The following PDE1C variants were observed in gnomAD, a reference collection of about 807,000 sequenced individuals.
The protein encoded by PDE1C is dual specificity calcium/calmodulin-dependent 3',5'-cyclic nucleotide phosphodiesterase 1C.
Under a neutral mutation model 93.1 loss-of-function variants are expected in PDE1C, and 62 were observed. The observed-to-expected ratio is 0.67, with a 90% CI of 0.54 to 0.82. The LOEUF is 0.82. Among genes scored for constraint, PDE1C ranks in the 40% least tolerant of loss-of-function variants. PDE1C has a pLI of 0.00. For synonymous variants in PDE1C, 325 were observed against 310.1 expected (o/e 1.05, Z -0.50); for missense variants, 742 against 884.6 (o/e 0.84, Z 2.04).
chr7:31,644,072 A>G, the PDE1C span: 2 of 862,588 alleles, frequency 2.3e-6, no homozygotes, highest in Non-Finnish European at 3.5e-6. Context: ...TCTATTTTAA[A>G]TCATGAATAA....
rs536652622 is a variant in PDE1C, at chr7:31,893,207, T to C, written c.129-12347A>G. On this transcript the variant is annotated intron_variant, in intron 2 of 17. Coordinates refer to ENST00000396191, the MANE Select transcript of PDE1C (RefSeq NM_001191057.4). Reference sequence around the variant, plus strand: ...GTCACGGAGACGGTGTTTTGTTGTATAGTCATTTCCAATAAGTAGGAAAAC... The same window carrying C: ...GTCACGGAGACGGTGTTTTGTTGTACAGTCATTTCCAATAAGTAGGAAAAC... Among the ~76,000 whole-genome samples, 110 of 152,330 alleles carry C rather than the reference T, an allele frequency of 7.2e-4. 2 individuals carry two copies. The highest frequency in any genetic ancestry group is 2.5e-3 in the African/African-American group (105 of 41,570).
chr7:31,830,895 A>G (rs1790299286), intron 11 of PDE1C, among the ~76,000 whole-genome samples: 1 of 152,198 alleles, frequency 6.6e-6, no homozygotes, highest in Non-Finnish European at 1.5e-5. Flanking sequence ...ATCAAGAAAC[A>G]TGAGTCCTAT....
intron 16 of PDE1C, chr7:31,787,575 G>C (rs767210649): frequency 6.6e-6 from 1 of 152,176 alleles, no homozygotes; most frequent in Non-Finnish European, 1.5e-5. Flanking sequence ...ATCCAGGGAC[G>C]TGTAGAGCGC....
intron 1 of PDE1C, among the ~76,000 whole-genome samples, chr7:32,267,247 G>A (rs1810646367): frequency 6.6e-6 from 1 of 152,232 alleles, no homozygotes; most frequent in Non-Finnish European, 1.5e-5. Context: ...CTGAGGTTAG[G>A]GGATTTTAAC....
At chr7:32,145,125 T>C (rs1471681960) in intron 3 of PDE1C, among the ~76,000 whole-genome samples, 1 of 152,250 alleles carries the variant, frequency 6.6e-6, no homozygotes, top group Admixed American at 6.5e-5. Context: ...TGGTAGAATC[T>C]GTTATAAGAA....
chr7:31,714,666 G>A, the PDE1C span, among the ~76,000 whole-genome samples: 272 of 152,324 alleles, frequency 1.8e-3, 1 homozygote, highest in Non-Finnish European at 3.1e-3. Context: ...ATGGCAGAAG[G>A]CAAAGAGGAG....
intron 1 of PDE1C, among the ~76,000 whole-genome samples, chr7:32,262,068 C>A (rs1810247990): frequency 7.4e-6 from 1 of 134,288 alleles, no homozygotes; most frequent in Admixed American, 8.1e-5. Flanking sequence ...AAACAGCCAT[C>A]AAAAACCAGG....
At chr7:31,659,838 A>G in the PDE1C span, among the ~76,000 whole-genome samples, 1 of 152,166 alleles carries the variant, frequency 6.6e-6, no homozygotes, top group Non-Finnish European at 1.5e-5. Flanking sequence ...TAGCTTTCAT[A>G]ACATCTGATA....
chr7:32,173,707 G>A (rs575742804), intron 2 of PDE1C, among the ~76,000 whole-genome samples: 165 of 152,206 alleles, frequency 1.1e-3, no homozygotes, highest in African/African-American at 3.7e-3. Context: ...GATAGAAAAT[G>A]GATTTGTGTG....
the PDE1C span, among the ~76,000 whole-genome samples, chr7:31,655,384 G>A: frequency 7.2e-5 from 11 of 152,252 alleles, no homozygotes; most frequent in African/African-American, 2.6e-4. Context: ...ATTACCTGGC[G>A]ACAGTGCAAC....
At chr7:31,855,069 T>TAAAAAAA (rs70989615) in intron 7 of PDE1C, among the ~76,000 whole-genome samples, 2 of 107,046 alleles carry the variant, frequency 1.9e-5, no homozygotes, top group Admixed American at 1.0e-4. Context: ...TCCCTCTGTC[T>TAAAAAAA]AAAAAAAAAA....
At chr7:32,257,520 T>C (rs1316184653) in intron 1 of PDE1C, among the ~76,000 whole-genome samples, 1 of 152,252 alleles carries the variant, frequency 6.6e-6, no homozygotes, top group Non-Finnish European at 1.5e-5. Context: ...GTACCTACTT[T>C]AAAATGTTGT....
the PDE1C span, among the ~76,000 whole-genome samples, chr7:31,620,229 CCTGT>C: frequency 6.6e-6 from 1 of 152,114 alleles, no homozygotes. Context: ...CTTAAATGTC[CCTGT>C]CTGACAGCTT....
chr7:32,151,985 A>G (rs73104508), intron 3 of PDE1C, among the ~76,000 whole-genome samples: 2,269 of 152,326 alleles, frequency 0.015, 29 homozygotes, highest in Admixed American at 0.041. Context: ...TAATAAGTGT[A>G]AACAAATGCT....
At chr7:31,618,996 C>A in the PDE1C span, among the ~76,000 whole-genome samples, 3 of 152,188 alleles carry the variant, frequency 2.0e-5, no homozygotes, top group Non-Finnish European at 2.9e-5. Context: ...GATTCTTCAT[C>A]CCCTTACATT....
chr7:32,096,538 A>C (rs1268161066), intron 3 of PDE1C, among the ~76,000 whole-genome samples: 1 of 152,214 alleles, frequency 6.6e-6, no homozygotes, highest in Non-Finnish European at 1.5e-5. Context: ...ACCTGGGTTC[A>C]AATCTTGGCT....
chr7:31,746,121 G>A, the PDE1C span, among the ~76,000 whole-genome samples: 2 of 152,126 alleles, frequency 1.3e-5, no homozygotes, highest in Admixed American at 1.3e-4. Flanking sequence ...TGTTTCTCTT[G>A]ATAAAGCCTC....
chr7:31,822,021 GT>G (rs1242202816), intron 14 of PDE1C, among the ~76,000 whole-genome samples: 11 of 152,088 alleles, frequency 7.2e-5, no homozygotes, highest in Admixed American at 1.3e-4. Context: ...GCTTAGACTG[GT>G]GGTGCTGGTG....
chr7:32,206,312 G>A (rs538905960), intron 2 of PDE1C, among the ~76,000 whole-genome samples: 21 of 152,290 alleles, frequency 1.4e-4, no homozygotes, highest in Admixed American at 1.2e-3. Context: ...AGTTTATGCA[G>A]TCTTCAATCA....
Sources: gnomAD v4.1 joint callset for allele counts (sites outside exome capture counted in the v4.1 genomes callset) on GRCh38, gnomAD v4.1.1 for gene constraint, MANE v1.5 for transcripts, NCBI Gene and HGNC (gene_info 2026-07-23, HGNC 2026-07-21) for gene names.